The following SORCS1 variants were observed in gnomAD, a reference collection of about 807,000 sequenced individuals.
The protein encoded by SORCS1 is sortilin related VPS10 domain containing receptor 1.
SORCS1 carries 60 observed loss-of-function variants against 146.1 expected under a neutral mutation model. The observed-to-expected ratio is 0.41, with a 90% CI of 0.33 to 0.51. The LOEUF (loss-of-function observed/expected upper bound fraction) is 0.51, where lower values mean the gene tolerates loss of function less well. SORCS1 is among the 20% of genes least tolerant of loss of function. The pLI, the probability that SORCS1 is intolerant of heterozygous loss-of-function variation, is 0.21. For synonymous variants in SORCS1, 637 were observed against 584.0 expected (o/e 1.09, Z -1.31); for missense variants, 1,352 against 1,487.6 (o/e 0.91, Z 1.50).
At chr10:107,001,139 C>A (rs1957199081) in intron 1 of SORCS1, among the ~76,000 whole-genome samples, 1 of 152,046 alleles carries the variant, frequency 6.6e-6, no homozygotes, top group Non-Finnish European at 1.5e-5. Flanking sequence ...TAAAAATAGG[C>A]AGAGAGGCAG....
chr10:107,179,376 T>C, the SORCS1 span, among the ~76,000 whole-genome samples: 3 of 152,232 alleles, frequency 2.0e-5, no homozygotes, highest in Admixed American at 6.5e-5. Flanking sequence ...GTTGCCCTTG[T>C]ATAGACACCA....
intron 1 of SORCS1, among the ~76,000 whole-genome samples, chr10:107,143,880 C>G (rs11596945): frequency 0.22 from 33,286 of 151,972 alleles, 4,715 homozygotes; most frequent in Non-Finnish European, 0.32. Context: ...ATCCACTCAC[C>G]TCAGCCTCCT....
chr10:107,149,364 T>G (rs1333028024), intron 1 of SORCS1, among the ~76,000 whole-genome samples: 1 of 151,798 alleles, frequency 6.6e-6, no homozygotes, highest in East Asian at 1.9e-4. Context: ...CTATTGCATT[T>G]TCTTACTGCT....
chr10:106,781,655 G>A (rs1217014478), intron 3 of SORCS1, among the ~76,000 whole-genome samples: 1 of 152,062 alleles, frequency 6.6e-6, no homozygotes. Context: ...ATCAAATTAA[G>A]CAAAATGTAA....
chr10:107,099,987 A>T (rs1193661061), intron 1 of SORCS1, among the ~76,000 whole-genome samples: 1 of 152,044 alleles, frequency 6.6e-6, no homozygotes, highest in Admixed American at 6.5e-5. Context: ...GTAAATGGAA[A>T]CTCTCTTGCA....
At chr10:107,006,956 A>G (rs1366456064) in intron 1 of SORCS1, among the ~76,000 whole-genome samples, 2 of 152,208 alleles carry the variant, frequency 1.3e-5, no homozygotes, top group Non-Finnish European at 2.9e-5. Context: ...CTTATAGCAA[A>G]TCTTAACATT....
In SORCS1 at chr10:106,679,696, C is replaced by A; in HGVS notation, c.1599G>T (p.Glu533Asp). 6.2e-7 allele frequency: 1 copy of A among 1,612,288 alleles called. No individual in the cohort carries two copies. The highest frequency in any genetic ancestry group is 8.5e-7 in the Non-Finnish European group (1 of 1,179,134). ...CAATGATCCCTGATGTGTAGGGATT[C>A]TCAGAGACCTTCAGGTGAAGGTGTA... ...CSLHLHLKVS[E>D]NPYTSGIIAS... Residue 533 changes from glutamate (E) to aspartate (D), a missense_variant, in exon 11 of 26, where the codon GAG (glutamate) becomes GAT (aspartate). Coordinates refer to ENST00000263054, the MANE Select transcript of SORCS1 (RefSeq NM_052918.5).
intron 1 of SORCS1, among the ~76,000 whole-genome samples, chr10:107,106,154 A>T (rs1433500337): frequency 6.6e-6 from 1 of 152,214 alleles, no homozygotes; most frequent in East Asian, 1.9e-4. Flanking sequence ...TATTCTCAAA[A>T]TTCTGAATAC....
At chr10:107,171,851 A>G in the SORCS1 span, among the ~76,000 whole-genome samples, 4 of 152,176 alleles carry the variant, frequency 2.6e-5, no homozygotes, top group South Asian at 8.3e-4. Flanking sequence ...TCTTTTGGAG[A>G]TACTATAGAG....
rs1858470943 is a variant in SORCS1 at position 106,754,237 on chromosome 10, CT to C, written c.959+7350del. ...TCTGGAACAAGCAAGAAGTCCTTTT[CT>C]TTAACATTGGAGTGAATTGGGAAGA... On this transcript the variant is annotated intron_variant, in intron 5 of 25. Coordinates refer to ENST00000263054, the MANE Select transcript of SORCS1 (RefSeq NM_052918.5). Among the ~76,000 whole-genome samples, 3 of 152,266 alleles carry C rather than the reference CT, an allele frequency of 2.0e-5. No homozygotes were observed. In the South Asian group the frequency reaches 6.2e-4, roughly 32 times the overall value.
At chr10:106,619,227 G>A (rs1322007) in intron 20 of SORCS1, among the ~76,000 whole-genome samples, 148,540 of 152,272 alleles carry the variant, frequency 0.98, 72,541 homozygotes, top group East Asian at 1. Flanking sequence ...AAATGACATA[G>A]ATTCCTGCTC....
intron 3 of SORCS1, among the ~76,000 whole-genome samples, chr10:106,784,452 C>A (rs1020241106): frequency 1.3e-5 from 2 of 151,350 alleles, no homozygotes; most frequent in African/African-American, 2.4e-5. Flanking sequence ...TGTACACATT[C>A]AAAGAATGTT....
chr10:107,171,942 A>G, the SORCS1 span, among the ~76,000 whole-genome samples: 1 of 152,312 alleles, frequency 6.6e-6, no homozygotes, highest in Admixed American at 6.5e-5. Flanking sequence ...GGATCCACTC[A>G]ACTACCTGCT....
chr10:106,860,514 C>T (rs891303251), intron 2 of SORCS1, among the ~76,000 whole-genome samples: 3 of 152,180 alleles, frequency 2.0e-5, no homozygotes, highest in African/African-American at 7.2e-5. Flanking sequence ...TCTCTAACAT[C>T]GCACGAGTTA....
At chr10:106,899,820 C>T (rs1951633638) in intron 2 of SORCS1, among the ~76,000 whole-genome samples, 1 of 152,124 alleles carries the variant, frequency 6.6e-6, no homozygotes, top group African/African-American at 2.4e-5. Flanking sequence ...ACAATTACCA[C>T]TTGCCCAAAT....
chr10:106,985,175 G>A (rs1448014412), intron 1 of SORCS1, among the ~76,000 whole-genome samples: 4 of 151,962 alleles, frequency 2.6e-5, no homozygotes, highest in African/African-American at 7.3e-5. Flanking sequence ...CAACAAGAGC[G>A]AAACTCCATC....
intron 17 of SORCS1, among the ~76,000 whole-genome samples, chr10:106,656,157 A>G (rs1850268938): frequency 6.6e-6 from 1 of 152,112 alleles, no homozygotes; most frequent in Non-Finnish European, 1.5e-5. Context: ...ATTTTTAGCT[A>G]TTCTCTTCCT....
chr10:106,776,838 G>T (rs1300539961), intron 3 of SORCS1, 146 bp from the exon 4 acceptor site: 39 of 767,900 alleles, frequency 5.1e-5, no homozygotes, highest in Non-Finnish European at 7.6e-5. Context: ...ACTCTGTCAG[G>T]ATTATTTTTC....
intron 3 of SORCS1, among the ~76,000 whole-genome samples, chr10:106,817,449 T>G (rs574313290): frequency 3.0e-4 from 46 of 152,294 alleles, no homozygotes; most frequent in African/African-American, 1.1e-3. Flanking sequence ...GCTTGGCTGC[T>G]TCTTTTATTG....
Sources: allele counts gnomAD v4.1 joint callset (sites outside exome capture counted in the v4.1 genomes callset), GRCh38; gene constraint gnomAD v4.1.1; transcripts MANE v1.5; gene names NCBI Gene and HGNC (gene_info 2026-07-23, HGNC 2026-07-21).